The following AP1S2 variants were observed in gnomAD, a reference collection of about 807,000 sequenced individuals.
AP1S2 encodes adaptor related protein complex 1 subunit sigma 2, also known as AP-1 complex subunit sigma-2.
A neutral mutation model predicts 14.3 loss-of-function variants in AP1S2; 1 was observed. That is an observed-to-expected ratio of 0.07 (90% CI 0.02 to 0.33). AP1S2 has a LOEUF of 0.33. AP1S2 is among the 10% of genes least tolerant of loss of function. The probability of loss-of-function intolerance (pLI) is 0.99; values close to 1 mark genes in which losing one functional copy is unlikely to be tolerated. For synonymous variants in AP1S2, 30 were observed against 40.5 expected, an observed-to-expected ratio of 0.74 and a Z score of 0.99; for missense variants, 30 against 117.7, an observed-to-expected ratio of 0.25 and a Z score of 3.45.
chrX:15,830,251 G>A, intron 4 of AP1S2: 1 of 750,461 alleles, frequency 1.3e-6, no homozygotes, highest in African/African-American at 2.3e-5. Flanking sequence ...ATATATTGTG[G>A]GGCAGGAGGA....
At chrX:15,829,350 TTAAG>T (rs1224090637) in intron 4 of AP1S2, among the ~76,000 whole-genome samples, 1 of 111,669 alleles carries the variant, frequency 9.0e-6, no homozygotes, top group Non-Finnish European at 1.9e-5. Flanking sequence ...CCATGTAATG[TTAAG>T]TAGTTTAAAG....
chrX:15,837,277 T>C (rs1933672316), intron 4 of AP1S2, among the ~76,000 whole-genome samples: 2 of 111,869 alleles, frequency 1.8e-5, no homozygotes, highest in Admixed American at 9.5e-5. Context: ...CAACAAAAAG[T>C]CTATATATGC....
At chrX:15,852,875 A>G (rs1483103497) in intron 1 of AP1S2, 3 of 747,464 alleles carry the variant, frequency 4.0e-6, no homozygotes, top group Non-Finnish European at 4.7e-6. Flanking sequence ...CGCACTCTCT[A>G]TATGCATCAA....
Position 15,832,275 on chromosome X carries a change from T to C in AP1S2, c.427-4075A>G, listed in dbSNP as rs930166973. 31 of 722,167 alleles carry C rather than the reference T, an allele frequency of 4.3e-5. No individual in the cohort carries two copies. In the African/African-American group the frequency reaches 7.1e-4, roughly 16 times the overall value. The allele number at this position is 722,167 out of a possible 1,213,427, so 59.5% of individuals were successfully genotyped here. ...ATCCTTCAGACTCTCAAAGGGATTA[T>C]ATCCCCACCAGAAAGCAAGTTTAAA... On this transcript the variant is annotated intron_variant, in intron 4 of 5. Coordinates refer to ENST00000672987, the MANE Select transcript of AP1S2 (RefSeq NM_001272071.2).
At chrX:15,827,994 G>A (rs537340496) in intron 5 of AP1S2, among the ~76,000 whole-genome samples, 198 bp downstream of exon 5, 1 of 111,326 alleles carries the variant, frequency 9.0e-6, no homozygotes, top group South Asian at 3.7e-4. Flanking sequence ...GTCAAAGGAG[G>A]TCAAAACAAA....
intron 4 of AP1S2, among the ~76,000 whole-genome samples, chrX:15,841,475 G>T (rs12156972): frequency 0.24 from 26,564 of 110,469 alleles, 2,344 homozygotes; most frequent in East Asian, 0.35. Context: ...TACTACAAAT[G>T]TAAGTCTGAA....
intron 1 of AP1S2, chrX:15,852,860 C>T (rs953217234): frequency 3.1e-5 from 23 of 748,178 alleles, no homozygotes; most frequent in Non-Finnish European, 3.0e-5. Context: ...CTGTGCTATA[C>T]ATTGCGCACT....
intron 4 of AP1S2, among the ~76,000 whole-genome samples, chrX:15,841,466 A>T (rs1933829657): frequency 9.0e-6 from 1 of 111,534 alleles, no homozygotes; most frequent in Admixed American, 9.6e-5. Context: ...TAGGACTTCT[A>T]CTACAAATGT....
At chrX:15,840,621 G>T in intron 4 of AP1S2, 1 of 833,941 alleles carries the variant, frequency 1.2e-6, no homozygotes, top group Non-Finnish European at 1.6e-6. Flanking sequence ...AGAAAAACTG[G>T]TAAGTGCTTG....
chrX:15,831,561 T>G (rs1933436848), intron 4 of AP1S2: 1 of 758,933 alleles, frequency 1.3e-6, no homozygotes, highest in Non-Finnish European at 1.6e-6. Context: ...AAAATATTCA[T>G]GACGTGGCTA....
At position 15,848,515 on chromosome X, in the gene AP1S2, G is replaced by A. The variant is rs766049012; in HGVS notation, c.180-2504C>T. Among the ~76,000 whole-genome samples, 7 of 111,806 alleles carry A rather than the reference G, an allele frequency of 6.3e-5. No individual in the cohort carries two copies. The South Asian group carries it at 2.6e-3, about 41-fold the overall frequency. ...AAATGTGCTCGAAACAATATTTTAA[G>A]AGCTTTGAAGAGAAGTAAAATATGC... On this transcript the variant is annotated intron_variant, in intron 2 of 5. Transcript: ENST00000672987.
rs140198686 is a variant in AP1S2, at chrX:15,852,414, G to C, written c.111C>G (p.Thr37=). ...KKKITRELVQ[T]VLARKPKMCS... ...ACATTTTAGGTTTCCGTGCTAAAAC[G>C]GTCTGAACAAGTTCTCTTGTGATCT... The change falls in exon 2 of 6, where the codon ACC becomes ACG. Residue 37 remains threonine (T), a synonymous_variant. Transcript: ENST00000672987. 4 of 1,208,676 alleles carry C rather than the reference G, an allele frequency of 3.3e-6. No homozygotes were observed. Among genetic ancestry groups the C allele is most frequent in the South Asian group, 3.5e-5 (2 of 56,712 alleles).
rs1007042300 is a variant in AP1S2 at position 15,826,512 on chromosome X, G to GT, written c.*812dup. ...CATAATACTGTGAAGAGAGCAACACGTTTTTTGTAAGATACTGTTATGAAG... is the reference window on the plus strand; with the variant it reads ...CATAATACTGTGAAGAGAGCAACACGTTTTTTTGTAAGATACTGTTATGAAG... On this transcript the variant is annotated 3_prime_UTR_variant, in exon 6 of 6. Coordinates refer to ENST00000672987, the MANE Select transcript of AP1S2 (RefSeq NM_001272071.2). 2 of 111,517 alleles carry GT rather than the reference G, an allele frequency of 1.8e-5. No individual in the cohort carries two copies. Among genetic ancestry groups the GT allele is most frequent in the African/African-American group, 3.3e-5 (1 of 30,673 alleles). 9.2% of individuals were successfully genotyped at this position (111,517 alleles called of 1,213,427 possible).
chrX:15,840,272 T>C (rs977383436), intron 4 of AP1S2, among the ~76,000 whole-genome samples: 1 of 112,106 alleles, frequency 8.9e-6, no homozygotes, highest in Admixed American at 9.5e-5. Flanking sequence ...ACACCACAAA[T>C]TTCAAAATGA....
At chrX:15,852,618 C>T in intron 1 of AP1S2, 94 bp from the exon 2 acceptor site, 2 of 824,379 alleles carry the variant, frequency 2.4e-6, no homozygotes, top group Non-Finnish European at 3.5e-6. Context: ...GGGGATGGGG[C>T]ATTTACATGA....
At chrX:15,837,402 G>A (rs1933676399) in intron 4 of AP1S2, among the ~76,000 whole-genome samples, 1 of 111,132 alleles carries the variant, frequency 9.0e-6, no homozygotes, top group African/African-American at 3.3e-5. Context: ...TGTTCTGTCT[G>A]CAGGGTATAC....
In AP1S2 at chrX:15,845,937, C is replaced by T. The variant is rs1446035216; in HGVS notation, c.254G>A (p.Arg85His). 4.1e-6 allele frequency: 5 copies of T among 1,205,063 alleles called. No individual in the cohort carries two copies. The highest frequency in any genetic ancestry group is 5.6e-6 in the Non-Finnish European group (5 of 889,531). Residue 85 changes from arginine (R) to histidine (H), a missense_variant, in exon 3 of 6, where the codon CGT becomes CAT. Coordinates refer to ENST00000672987, the MANE Select transcript of AP1S2 (RefSeq NM_001272071.2). ...NELITLEIIH[R>H]YVELLDKYFG... ...ATACTTGTCAAGTAATTCCACATAA[C>T]GATGAATTATTTCCAGGGTAATTAG...
intron 1 of AP1S2, 32 bp downstream of exon 1, chrX:15,854,656 C>T (rs1934286543): frequency 1.6e-6 from 1 of 643,068 alleles, no homozygotes; most frequent in African/African-American, 2.5e-5. Context: ...CTCCCCCATC[C>T]CCGGCGCCCC....
intron 1 of AP1S2, 91 bp from the exon 2 acceptor site, chrX:15,852,615 G>A: frequency 2.3e-6 from 2 of 856,634 alleles, no homozygotes; most frequent in Non-Finnish European, 1.7e-6. Flanking sequence ...TTGGGGGATG[G>A]GGCATTTACA....
Sources: gnomAD v4.1 joint callset for allele counts (sites outside exome capture counted in the v4.1 genomes callset) on GRCh38, gnomAD v4.1.1 for gene constraint, MANE v1.5 for transcripts, NCBI Gene and HGNC (gene_info 2026-07-23, HGNC 2026-07-21) for gene names.